ZMYND8: variants seen among roughly 807,000 people sequenced by gnomAD.
ZMYND8 encodes MYND-type zinc finger-containing chromatin reader ZMYND8.
A neutral mutation model predicts 140.8 loss-of-function variants in ZMYND8; 37 were observed. That is an observed-to-expected ratio of 0.26 (90% CI 0.20 to 0.35). The LOEUF is 0.35. Among genes scored for constraint, ZMYND8 ranks in the 10% least tolerant of loss-of-function variants. The pLI is 1.00. For missense variants in ZMYND8, 1,068 were observed against 1,570.0 expected (o/e 0.68, Z 5.40); for synonymous variants, 592 against 597.1 (o/e 0.99, Z 0.12).
In ZMYND8 at chr20:47,352,217, T is replaced by C. The variant is rs2148633831; in HGVS notation, c.15-4291A>G. On this transcript the variant is annotated intron_variant, in intron 1 of 22. Coordinates refer to ENST00000471951, the MANE Select transcript of ZMYND8 (RefSeq NM_001281775.3). ...CTTCTCAGTCTATTAGAAACCAGCT[T>C]TGCATCCATACCAAAAAGGCGCTAG... 2.6e-5 allele frequency among the ~76,000 whole-genome samples: 4 copies of C among 152,240 alleles called. No individual in the cohort carries two copies. The South Asian group carries it at 8.3e-4, about 32-fold the overall frequency.
At chr20:47,351,630 T>G (rs2082790036) in intron 1 of ZMYND8, 4 of 974,222 alleles carry the variant, frequency 4.1e-6, no homozygotes, top group Non-Finnish European at 4.9e-6. Flanking sequence ...AAACCATGCT[T>G]CCCTAAATCT....
intron 2 of ZMYND8, among the ~76,000 whole-genome samples, chr20:47,341,523 T>A (rs2081881523): frequency 7.9e-6 from 1 of 125,996 alleles, no homozygotes. Context: ...CGAGACTCCA[T>A]CTCAAAAAAA....
chr20:47,320,819 G>A (rs1282794125), intron 2 of ZMYND8: 1 of 152,224 alleles, frequency 6.6e-6, no homozygotes, highest in Non-Finnish European at 1.5e-5. Context: ...TGGGTGCACA[G>A]AAGGATAGAC....
intron 19 of ZMYND8, among the ~76,000 whole-genome samples, chr20:47,223,377 G>A (rs1435416578): frequency 1.3e-5 from 2 of 151,722 alleles, no homozygotes; most frequent in Non-Finnish European, 2.9e-5. Context: ...ATGGTGATGT[G>A]TGCCTGTAAT....
chr20:47,351,349 A>G (rs779446672), intron 1 of ZMYND8, among the ~76,000 whole-genome samples: 2 of 152,114 alleles, frequency 1.3e-5, no homozygotes, highest in African/African-American at 2.4e-5. Context: ...ATGCCCACAT[A>G]TTTCTTTTCC....
intron 3 of ZMYND8, among the ~76,000 whole-genome samples, chr20:47,304,185 A>C (rs1016804072): frequency 6.6e-6 from 1 of 152,216 alleles, no homozygotes; most frequent in African/African-American, 2.4e-5. Context: ...CAGGTTATTA[A>C]GGGATACTGC....
intron 2 of ZMYND8, among the ~76,000 whole-genome samples, chr20:47,311,395 G>C (rs553353090): frequency 1.8e-4 from 27 of 152,146 alleles, no homozygotes; most frequent in Admixed American, 3.3e-4. Flanking sequence ...CGGATCACCT[G>C]AGGTCACAAG....
intron 12 of ZMYND8, among the ~76,000 whole-genome samples, chr20:47,258,867 G>A (rs779502341): frequency 1.3e-5 from 2 of 151,956 alleles, no homozygotes; most frequent in South Asian, 2.1e-4. Context: ...TTCCCGTTAG[G>A]TCATTGCAAT....
rs1323404716 is a variant in ZMYND8 at position 47,221,419 on chromosome 20, CTTA to C, written c.3309_3311del (p.Asn1103del). ...TGCTCGAGGAGCTCCCCTGGGAGGA[CTTA>C]TTTAGTGTTTCTGTGTTCACCTCAG... On this transcript the variant is annotated inframe_deletion, in exon 20 of 23. Coordinates refer to ENST00000471951, the MANE Select transcript of ZMYND8 (RefSeq NM_001281775.3). 6.2e-7 allele frequency: 1 copy of C among 1,614,008 alleles called. No individual in the cohort carries two copies. Among genetic ancestry groups the C allele is most frequent in the Non-Finnish European group, 8.5e-7 (1 of 1,180,022 alleles).
At chr20:47,297,349 T>C (rs2077706671) in intron 4 of ZMYND8, among the ~76,000 whole-genome samples, 1 of 152,206 alleles carries the variant, frequency 6.6e-6, no homozygotes, top group Admixed American at 6.6e-5. Context: ...TTTTCCCTAC[T>C]AAAGACATCT....
At chr20:47,324,645 C>T (rs1355199936) in intron 2 of ZMYND8, among the ~76,000 whole-genome samples, 2 of 152,172 alleles carry the variant, frequency 1.3e-5, no homozygotes, top group Non-Finnish European at 2.9e-5. Context: ...TGATCCTGCC[C>T]ACCTTCTCTC....
intron 2 of ZMYND8, among the ~76,000 whole-genome samples, chr20:47,312,334 T>C (rs2079001896): frequency 2.0e-5 from 3 of 152,058 alleles, no homozygotes. Flanking sequence ...CAAAACCCAA[T>C]CTACAGGATG....
intron 20 of ZMYND8, 63 bp downstream of exon 20, chr20:47,221,251 G>A (rs1211632396): frequency 6.3e-7 from 1 of 1,589,336 alleles, no homozygotes; most frequent in Non-Finnish European, 8.6e-7. Context: ...CAGACAGGGG[G>A]TCCTAAGTCC....
At chr20:47,318,515 A>G (rs2079599968) in intron 2 of ZMYND8, 1 of 356,366 alleles carries the variant, frequency 2.8e-6, no homozygotes, top group African/African-American at 2.1e-5. Flanking sequence ...TAGAAGTAAG[A>G]AATCAGGAGC....
intron 16 of ZMYND8, among the ~76,000 whole-genome samples, chr20:47,235,871 C>G (rs887240429): frequency 6.6e-6 from 1 of 152,132 alleles, no homozygotes; most frequent in African/African-American, 2.4e-5. Flanking sequence ...TCCCCTTGGT[C>G]CCCCTCCCCA....
chr20:47,255,545 C>T (rs1425743349), intron 12 of ZMYND8, among the ~76,000 whole-genome samples: 3 of 130,618 alleles, frequency 2.3e-5, no homozygotes, highest in African/African-American at 6.2e-5. Context: ...TATATACACA[C>T]CATATACATA....
At chr20:47,311,658 T>C (rs1044552496) in intron 2 of ZMYND8, among the ~76,000 whole-genome samples, 1 of 150,170 alleles carries the variant, frequency 6.7e-6, no homozygotes, top group Admixed American at 6.6e-5. Context: ...CGGGAGGTCA[T>C]GAGATCAAGA....
chr20:47,251,093 C>G (rs1363972789), intron 12 of ZMYND8, among the ~76,000 whole-genome samples: 1 of 152,052 alleles, frequency 6.6e-6, no homozygotes, highest in African/African-American at 2.4e-5. Flanking sequence ...GACTGCCCCT[C>G]CCAGACCCAG....
At chr20:47,323,394 A>T (rs2080136045) in intron 2 of ZMYND8, among the ~76,000 whole-genome samples, 1 of 151,678 alleles carries the variant, frequency 6.6e-6, no homozygotes, top group African/African-American at 2.4e-5. Flanking sequence ...GGTGTGCAAT[A>T]CCATGACCAC....
Sources: gnomAD v4.1 joint callset for allele counts (sites outside exome capture counted in the v4.1 genomes callset) on GRCh38, gnomAD v4.1.1 for gene constraint, MANE v1.5 for transcripts, NCBI Gene and HGNC (gene_info 2026-07-23, HGNC 2026-07-21) for gene names.